GRM8: variants seen among roughly 807,000 people sequenced by gnomAD.
GRM8 encodes the protein metabotropic glutamate receptor 8.
In GRM8, 47 loss-of-function variants were observed where a neutral mutation model predicts 87.2. The observed-to-expected ratio is 0.54, with a 90% CI of 0.43 to 0.69. GRM8 has a LOEUF of 0.69. Among genes scored for constraint, GRM8 ranks in the 30% least tolerant of loss-of-function variants. The pLI is 0.00. For synonymous variants in GRM8, 396 were observed against 404.5 expected (o/e 0.98, Z 0.25); for missense variants, 1,019 against 1,139.2 (o/e 0.89, Z 1.52).
At chr7:126,460,888 A>C (rs1457345488) in intron 9 of GRM8, among the ~76,000 whole-genome samples, 1 of 151,552 alleles carries the variant, frequency 6.6e-6, no homozygotes, top group Non-Finnish European at 1.5e-5. Flanking sequence ...AGAGTTGTGA[A>C]GTATGAGCCA....
At chr7:126,959,680 T>A (rs975519650) in intron 3 of GRM8, among the ~76,000 whole-genome samples, 1 of 152,188 alleles carries the variant, frequency 6.6e-6, no homozygotes, top group Non-Finnish European at 1.5e-5. Flanking sequence ...ACACATTTAT[T>A]TTTTCCTTTA....
At chr7:126,641,690 A>T (rs531985390) in intron 7 of GRM8, among the ~76,000 whole-genome samples, 11 of 152,288 alleles carry the variant, frequency 7.2e-5, no homozygotes, top group African/African-American at 2.4e-4. Context: ...AGAAAAATTC[A>T]TTAATTTAGT....
intron 8 of GRM8, among the ~76,000 whole-genome samples, chr7:126,570,622 T>A (rs1316642021): frequency 6.6e-6 from 1 of 152,142 alleles, no homozygotes; most frequent in Non-Finnish European, 1.5e-5. Flanking sequence ...TTGAAAAACA[T>A]CTTCCTTTAC....
chr7:127,148,373 T>C (rs991160985), intron 2 of GRM8, among the ~76,000 whole-genome samples: 1 of 151,278 alleles, frequency 6.6e-6, no homozygotes, highest in African/African-American at 2.4e-5. Flanking sequence ...ACAATGATCA[T>C]AGGGGACTTC....
At chr7:127,020,771 C>T (rs1443873304) in intron 3 of GRM8, among the ~76,000 whole-genome samples, 1 of 151,972 alleles carries the variant, frequency 6.6e-6, no homozygotes, top group Non-Finnish European at 1.5e-5. Flanking sequence ...GATTACATTT[C>T]GTTTTATGTG....
chr7:127,234,697 C>CA (rs1237445148), intron 2 of GRM8, among the ~76,000 whole-genome samples: 10 of 152,204 alleles, frequency 6.6e-5, no homozygotes, highest in Non-Finnish European at 1.2e-4. Flanking sequence ...TCCCCGGACC[C>CA]ACTGAATCAG....
chr7:126,681,355 C>T (rs1807554996), intron 7 of GRM8, among the ~76,000 whole-genome samples: 1 of 152,188 alleles, frequency 6.6e-6, no homozygotes. Flanking sequence ...GTGGTCCATC[C>T]TCCACTCTCC....
At chr7:126,522,386 T>G (rs1446922187) in intron 9 of GRM8, among the ~76,000 whole-genome samples, 1 of 152,178 alleles carries the variant, frequency 6.6e-6, no homozygotes, top group Non-Finnish European at 1.5e-5. Flanking sequence ...ATAATGGTAC[T>G]GAGAACATAT....
At chr7:126,536,098 T>G (rs1000208245) in intron 8 of GRM8, among the ~76,000 whole-genome samples, 10 of 152,248 alleles carry the variant, frequency 6.6e-5, no homozygotes, top group Non-Finnish European at 1.3e-4. Flanking sequence ...CAAATTAAAC[T>G]TAGCTACTTG....
At chr7:126,476,388 T>C (rs1298478522) in intron 9 of GRM8, among the ~76,000 whole-genome samples, 3 of 152,112 alleles carry the variant, frequency 2.0e-5, no homozygotes. Flanking sequence ...CACTGCACTC[T>C]AGCCTGGGTA....
intron 7 of GRM8, among the ~76,000 whole-genome samples, chr7:126,672,964 T>C (rs762913812): frequency 5.3e-5 from 8 of 152,098 alleles, no homozygotes; most frequent in African/African-American, 1.9e-4. Context: ...TTTGTCCCTA[T>C]CCTTAATCTA....
intron 7 of GRM8, among the ~76,000 whole-genome samples, chr7:126,676,603 G>A (rs1815973): frequency 0.081 from 12,356 of 151,982 alleles, 767 homozygotes; most frequent in East Asian, 0.32. Context: ...TCTACAAAGC[G>A]GACAAAAACA....
chr7:126,704,695 G>A (rs891149773), intron 7 of GRM8, among the ~76,000 whole-genome samples: 1 of 152,100 alleles, frequency 6.6e-6, no homozygotes, highest in African/African-American at 2.4e-5. Context: ...GAGCTGTAGG[G>A]ATGAAATAAG....
At chr7:126,596,318 C>A (rs975204175) in intron 8 of GRM8, among the ~76,000 whole-genome samples, 1 of 152,092 alleles carries the variant, frequency 6.6e-6, no homozygotes, top group African/African-American at 2.4e-5. Flanking sequence ...TCACCAGCAC[C>A]TGCTTTTTTT....
chr7:126,892,297 C>T lies in GRM8; in HGVS notation c.1156+10245G>A, dbSNP rs190773742. ...TCCTAATGCTATCCCTCCCCAAACCCCACAACGGTCCCCAGAGTGTGATGT... is the reference window on the plus strand; with the variant it reads ...TCCTAATGCTATCCCTCCCCAAACCTCACAACGGTCCCCAGAGTGTGATGT... On this transcript the variant is annotated intron_variant, in intron 6 of 10. Coordinates refer to ENST00000339582, the MANE Select transcript of GRM8 (RefSeq NM_000845.3). Among the ~76,000 whole-genome samples the T allele has an allele frequency of 1.8e-4, 27 of 152,144 alleles. No individual in the cohort carries two copies. The East Asian group carries it at 4.6e-3, about 26-fold the overall frequency.
At position 127,058,341 on chromosome 7, in the gene GRM8, T is replaced by C. The variant is rs866655661; in HGVS notation, c.727+48155A>G. ...TCCTGGTCTATTAAAACTTCCTAGA[T>C]CTCAAATTAGGAGAATTTGAAAGTT... On this transcript the variant is annotated intron_variant, in intron 3 of 10. Transcript: ENST00000339582. 2.6e-5 allele frequency among the ~76,000 whole-genome samples: 4 copies of C among 152,296 alleles called. No individual in the cohort carries two copies. The Middle Eastern group carries it at 0.01, about 389-fold the overall frequency.
intron 3 of GRM8, among the ~76,000 whole-genome samples, chr7:126,930,581 C>A (rs530060115): frequency 2.0e-5 from 3 of 152,258 alleles, no homozygotes; most frequent in South Asian, 2.1e-4. Context: ...GGGTCTTCAA[C>A]CAAGTTTTCA....
intron 2 of GRM8, among the ~76,000 whole-genome samples, chr7:127,214,698 C>T (rs1299159126): frequency 1.3e-5 from 2 of 152,166 alleles, no homozygotes; most frequent in African/African-American, 4.8e-5. Flanking sequence ...GGAAAATCTG[C>T]CCCCATGATC....
At chr7:126,542,197 C>G (rs1362688263) in intron 8 of GRM8, among the ~76,000 whole-genome samples, 4 of 152,154 alleles carry the variant, frequency 2.6e-5, no homozygotes, top group Non-Finnish European at 5.9e-5. Flanking sequence ...GTCTGTGGTA[C>G]TTTGTTATGG....
Sources: gnomAD v4.1 joint callset for allele counts (sites outside exome capture counted in the v4.1 genomes callset) on GRCh38, gnomAD v4.1.1 for gene constraint, MANE v1.5 for transcripts, NCBI Gene and HGNC (gene_info 2026-07-23, HGNC 2026-07-21) for gene names.